The following DOK7 variants were observed in gnomAD, a reference collection of about 807,000 sequenced individuals.
The protein encoded by DOK7 is protein Dok-7.
Under a neutral mutation model 30.7 loss-of-function variants are expected in DOK7, and 32 were observed. That is an observed-to-expected ratio of 1.04 (90% CI 0.79 to 1.40). The LOEUF is 1.40. DOK7 is among the 40% of genes most tolerant of loss of function. The pLI is 0.00. For missense variants in DOK7, 1,007 were observed against 699.2 expected, an observed-to-expected ratio of 1.44 and a Z score of -4.97; for synonymous variants, 447 against 324.1, an observed-to-expected ratio of 1.38 and a Z score of -4.07.
intron 2 of DOK7, among the ~76,000 whole-genome samples, chr4:3,466,007 G>T (rs1310969764): frequency 1.3e-5 from 2 of 152,178 alleles, no homozygotes; most frequent in Non-Finnish European, 2.9e-5. Flanking sequence ...GACACTTGAG[G>T]GGGCCTGCTT....
intron 6 of DOK7, among the ~76,000 whole-genome samples, chr4:3,499,493 G>A (rs1376910030): frequency 6.6e-6 from 1 of 152,206 alleles, no homozygotes; most frequent in African/African-American, 2.4e-5. Flanking sequence ...GCCTGCAGAG[G>A]AGGGGCCGGT....
intron 4 of DOK7, among the ~76,000 whole-genome samples, chr4:3,481,020 G>A (rs1727412598): frequency 6.6e-6 from 1 of 152,110 alleles, no homozygotes; most frequent in African/African-American, 2.4e-5. Context: ...GGGTGGAGGG[G>A]GGTGAAAAGG....
At chr4:3,491,469 TCTCA>T (rs1175522811) in intron 6 of DOK7, among the ~76,000 whole-genome samples, 6 of 150,974 alleles carry the variant, frequency 4.0e-5, no homozygotes, top group South Asian at 2.1e-4. Context: ...TCAATTTCTC[TCTCA>T]CTCATTCATT....
At chr4:3,463,586 G>A in intron 2 of DOK7, 35 bp downstream of exon 2, 2 of 1,521,254 alleles carry the variant, frequency 1.3e-6, no homozygotes, top group Non-Finnish European at 1.8e-6. Flanking sequence ...GGGGCGCGGG[G>A]GTAGCGACAC....
chr4:3,476,638 T>C, intron 4 of DOK7, 96 bp downstream of exon 4: 3 of 1,494,988 alleles, frequency 2.0e-6, no homozygotes, highest in Non-Finnish European at 2.8e-6. Flanking sequence ...ACTTGCAGGC[T>C]GGCCTGCTGG....
downstream of DOK7, chr4:3,496,886 C>G: frequency 2.7e-6 from 4 of 1,498,714 alleles, no homozygotes; most frequent in Non-Finnish European, 3.5e-6. Context: ...GCCAGTCCCC[C>G]AGAGCTCGGG....
intron 2 of DOK7, among the ~76,000 whole-genome samples, chr4:3,467,978 C>T (rs892589218): frequency 6.6e-6 from 1 of 152,204 alleles, no homozygotes; most frequent in Admixed American, 6.5e-5. Context: ...CCAAAGGCCC[C>T]ACCACTAACC....
At chr4:3,487,692 G>C (rs895751512) in intron 5 of DOK7, among the ~76,000 whole-genome samples, 1 of 152,220 alleles carries the variant, frequency 6.6e-6, no homozygotes, top group African/African-American at 2.4e-5. Context: ...GCGTGTGGTG[G>C]AGCTGGGAGT....
At chr4:3,500,076 G>A (rs867522434) in intron 6 of DOK7, among the ~76,000 whole-genome samples, 1 of 151,784 alleles carries the variant, frequency 6.6e-6, no homozygotes, top group Non-Finnish European at 1.5e-5. Flanking sequence ...TCAGGATGGG[G>A]CAGCGCTGGG....
At chr4:3,490,407 A>ATTCATT (rs1728224430) in intron 6 of DOK7, among the ~76,000 whole-genome samples, 3 of 7,182 alleles carry the variant, frequency 4.2e-4, no homozygotes, top group Non-Finnish European at 8.6e-4. Flanking sequence ...TCCTTCTTTC[A>ATTCATT]CCCCCCCCAC....
intron 4 of DOK7, among the ~76,000 whole-genome samples, chr4:3,482,352 CA>C (rs1727486852): frequency 6.6e-6 from 1 of 152,238 alleles, no homozygotes; most frequent in African/African-American, 2.4e-5. Context: ...TGGTGGGGCC[CA>C]AAGGCCCAGG....
chr4:3,472,158 C>A (rs2109333517), intron 2 of DOK7, among the ~76,000 whole-genome samples: 1 of 152,338 alleles, frequency 6.6e-6, no homozygotes, highest in East Asian at 1.9e-4. Flanking sequence ...GGGCTGTGGC[C>A]ATGTGGCCCG....
intron 6 of DOK7, among the ~76,000 whole-genome samples, 167 bp from the exon 7 acceptor site, chr4:3,492,592 T>A (rs1231581394): frequency 6.6e-6 from 1 of 150,994 alleles, no homozygotes; most frequent in South Asian, 2.1e-4. Flanking sequence ...GTAGAGGGGT[T>A]GTTGTTGGTG....
Position 3,494,239 on chromosome 4 carries a change from G to A in DOK7, c.*738G>A, listed in dbSNP as rs1390285751. On this transcript the variant is annotated 3_prime_UTR_variant, in exon 7 of 7. Transcript: ENST00000340083. Reference sequence around the variant, plus strand: ...TGCTGGCTCCTGTCTGAACCTCCTCGCAGGGCCAAAGGCTGGCTTGGCCTG... The same window carrying A: ...TGCTGGCTCCTGTCTGAACCTCCTCACAGGGCCAAAGGCTGGCTTGGCCTG... The A allele has an allele frequency of 4.1e-6, 4 of 985,538 alleles. No individual in the cohort carries two copies. Among genetic ancestry groups the A allele is most frequent in the African/African-American group, 1.7e-5 (1 of 57,384 alleles). 61.0% of individuals were successfully genotyped at this position (985,538 alleles called of 1,614,324 possible). A position where few individuals can be genotyped will look rare whatever the true frequency, so the allele number is the denominator to read the frequency against.
chr4:3,492,700 C>T (rs1336040399), intron 6 of DOK7, 59 bp from the exon 7 acceptor site: 14 of 1,600,846 alleles, frequency 8.7e-6, no homozygotes, highest in Non-Finnish European at 1.1e-5. Flanking sequence ...AGGCATCAGC[C>T]ACGTCCTGCC....
In DOK7 at chr4:3,484,605, G is replaced by A. The variant is rs1727643877; in HGVS notation, c.533-934G>A. 5 of 985,504 alleles carry A rather than the reference G, an allele frequency of 5.1e-6. No individual in the cohort carries two copies. In the South Asian group the frequency reaches 1.4e-4, roughly 28 times the overall value. The allele number at this position is 985,504 out of a possible 1,614,324, so 61.0% of individuals were successfully genotyped here. ...CGGGAGGGCAGCGCCCCCGTGACTC[G>A]CAGCTGGGGCTTCTCCACGGGTGGC... On this transcript the variant is annotated intron_variant, in intron 4 of 6. Transcript: ENST00000340083.
At position 3,476,166 on chromosome 4, in the gene DOK7, C is replaced by CACCCCACCCGCCCA. The variant is rs1727046121; in HGVS notation, c.332-176_332-175insACCCCACCCGCCCA. On this transcript the variant is annotated intron_variant, in intron 3 of 6. Coordinates refer to ENST00000340083, the MANE Select transcript of DOK7 (RefSeq NM_173660.5). ...TCGCCCCGCCTGACCGTGATGCCCTCTCGCCCCGCCCACCCTCGATGCCCT... is the reference window on the plus strand; with the variant it reads ...TCGCCCCGCCTGACCGTGATGCCCTCACCCCACCCGCCCATCGCCCCGCCCACCCTCGATGCCCT... Among the ~76,000 whole-genome samples the CACCCCACCCGCCCA allele has an allele frequency of 5.6e-5, 7 of 124,686 alleles. 2 individuals are homozygous for CACCCCACCCGCCCA. Among genetic ancestry groups the CACCCCACCCGCCCA allele is most frequent in the Admixed American group, 1.6e-4 (2 of 12,542 alleles). 81.8% of individuals were successfully genotyped at this position (124,686 alleles called of 152,430 possible). A position where few individuals can be genotyped will look rare whatever the true frequency, so the allele number is the denominator to read the frequency against.
At chr4:3,499,923 G>C (rs1330273335) in intron 6 of DOK7, among the ~76,000 whole-genome samples, 1 of 151,964 alleles carries the variant, frequency 6.6e-6, no homozygotes, top group South Asian at 2.1e-4. Context: ...GCGGGGCGAG[G>C]GGCGCAGGGA....
intron 3 of DOK7, among the ~76,000 whole-genome samples, chr4:3,475,846 T>C (rs989585226): frequency 6.6e-6 from 1 of 151,918 alleles, no homozygotes; most frequent in Admixed American, 6.6e-5. Context: ...AGCACCTCCG[T>C]GGTGGGAGGG....
Sources: allele counts gnomAD v4.1 joint callset (sites outside exome capture counted in the v4.1 genomes callset), GRCh38; gene constraint gnomAD v4.1.1; transcripts MANE v1.5; gene names NCBI Gene and HGNC (gene_info 2026-07-23, HGNC 2026-07-21).